The following EBAG9 variants were observed in gnomAD, a reference collection of about 807,000 sequenced individuals.
EBAG9 encodes the protein estrogen receptor binding site associated antigen 9.
EBAG9 carries 16 observed loss-of-function variants against 30.9 expected under a neutral mutation model. The observed-to-expected ratio is 0.52, with a 90% CI of 0.35 to 0.79. The LOEUF (loss-of-function observed/expected upper bound fraction) is 0.79. Among genes scored for constraint, EBAG9 ranks in the 30% least tolerant of loss-of-function variants. The pLI is 0.01. For synonymous variants in EBAG9, 93 were observed against 82.8 expected, an observed-to-expected ratio of 1.12 and a Z score of -0.67; for missense variants, 197 against 242.1, an observed-to-expected ratio of 0.81 and a Z score of 1.24.
chr8:109,560,934 T>A lies in EBAG9; in HGVS notation c.521+5T>A. 2 of 1,610,154 alleles carry A rather than the reference T, an allele frequency of 1.2e-6. No homozygotes were observed. Among genetic ancestry groups the A allele is most frequent in the Non-Finnish European group, 1.7e-6 (2 of 1,177,386 alleles). On this transcript the variant is annotated splice_donor_5th_base_variant and intron_variant, in intron 6 of 6. Transcript: ENST00000337573. ...GCAAGCAGAAGAAGTTCTGAGGTAT[T>A]TGAGTGGCATTTATATTGCAACCTG...
chr8:109,554,300 T>A (rs532445457), intron 3 of EBAG9, among the ~76,000 whole-genome samples: 1 of 152,332 alleles, frequency 6.6e-6, no homozygotes, highest in African/African-American at 2.4e-5. Flanking sequence ...TGCTGAATAA[T>A]TCTGGGTTGT....
chr8:109,549,586 T>C (rs1821453455), intron 1 of EBAG9, among the ~76,000 whole-genome samples: 1 of 152,050 alleles, frequency 6.6e-6, no homozygotes, highest in Non-Finnish European at 1.5e-5. Context: ...TCTTATGCTT[T>C]AGTAATTTGT....
intron 3 of EBAG9, 72 bp from the exon 4 acceptor site, chr8:109,554,657 C>G: frequency 2.1e-6 from 3 of 1,462,608 alleles, no homozygotes; most frequent in Non-Finnish European, 2.8e-6. Flanking sequence ...GCCCATTTTT[C>G]TAATAAATCA....
rs1162882558 is a variant in EBAG9 at position 109,553,789 on chromosome 8, A to G, written c.84-76A>G. 2.5e-4 allele frequency: 272 copies of G among 1,109,752 alleles called. 1 individual carries two copies. The East Asian group carries it at 6.8e-3, about 28-fold the overall frequency. The allele number at this position is 1,109,752 out of a possible 1,614,324, so 68.7% of individuals were successfully genotyped here. ...AAAGATCTTGTTTTATAAGCCTTCA[A>G]TTACCATACATAATAGTGCTTTTAC... On this transcript the variant is annotated intron_variant, in intron 2 of 6. Coordinates refer to ENST00000337573, the MANE Select transcript of EBAG9 (RefSeq NM_004215.5).
At chr8:109,543,290 A>C (rs903626611) in intron 1 of EBAG9, among the ~76,000 whole-genome samples, 1 of 151,842 alleles carries the variant, frequency 6.6e-6, no homozygotes, top group African/African-American at 2.4e-5. Context: ...AGTATTGCTA[A>C]GGTAACATTT....
At chr8:109,559,497 C>A (rs1337472227) in intron 5 of EBAG9, among the ~76,000 whole-genome samples, 1 of 152,042 alleles carries the variant, frequency 6.6e-6, no homozygotes, top group Non-Finnish European at 1.5e-5. Context: ...AATTTTAAAT[C>A]TTGTCAAATT....
At chr8:109,560,989 T>G in intron 6 of EBAG9, 60 bp downstream of exon 6, 1 of 1,455,354 alleles carries the variant, frequency 6.9e-7, no homozygotes, top group Middle Eastern at 1.8e-4. Flanking sequence ...TTCCCTGCTG[T>G]GTTTCAAGTC....
At chr8:109,554,052 T>G (rs1821548017) in intron 3 of EBAG9, 109 bp downstream of exon 3, 3 of 741,944 alleles carry the variant, frequency 4.0e-6, no homozygotes, top group Non-Finnish European at 6.0e-6. Context: ...TAGAAATTAA[T>G]TTTTGTTGTG....
At chr8:109,555,421 TTAAG>T (rs1586691979) in intron 4 of EBAG9, among the ~76,000 whole-genome samples, 1 of 152,190 alleles carries the variant, frequency 6.6e-6, no homozygotes. Flanking sequence ...TTCTGTCATG[TTAAG>T]TAAGAATTTT....
In EBAG9 at chr8:109,543,135, C is replaced by CTTTTTTTTT. The variant is rs557388998; in HGVS notation, c.-16+2697_-16+2705dup. On this transcript the variant is annotated intron_variant, in intron 1 of 6. Coordinates refer to ENST00000337573, the MANE Select transcript of EBAG9 (RefSeq NM_004215.5). ...GAGTACAATTTTTAATATTCTGGTT[C>CTTTTTTTTT]TTTTTTTTTTTTTTTTTTTTTTTTT... 2.5e-4 allele frequency among the ~76,000 whole-genome samples: 13 copies of CTTTTTTTTT among 52,874 alleles called. 1 individual carries two copies. The highest frequency in any genetic ancestry group is 4.1e-4 in the Non-Finnish European group (8 of 19,742). 34.7% of individuals were successfully genotyped at this position (52,874 alleles called of 152,430 possible). A position where few individuals can be genotyped will look rare whatever the true frequency, so the allele number is the denominator to read the frequency against.
At position 109,564,556 on chromosome 8, in the gene EBAG9, A is replaced by G. The variant is rs538061239; in HGVS notation, c.639A>G (p.Ser213=). Reference sequence around the variant, plus strand: ...AAAACAAAATTGGTGTGAAACTTTCATAACACATGTTCAAATTTTATCATG... The same window carrying G: ...AAAACAAAATTGGTGTGAAACTTTCGTAACACATGTTCAAATTTTATCATG... ...KEQNKIGVKL[S] The change falls in exon 7 of 7, where the codon TCA becomes TCG. Residue 213 remains serine (S), a synonymous_variant. Coordinates refer to ENST00000337573, the MANE Select transcript of EBAG9 (RefSeq NM_004215.5). 9.3e-6 allele frequency: 15 copies of G among 1,611,734 alleles called. No homozygotes were observed. The highest frequency in any genetic ancestry group is 1.2e-5 in the Non-Finnish European group (14 of 1,178,444).
intron 3 of EBAG9, 131 bp from the exon 4 acceptor site, chr8:109,554,598 G>A (rs983709277): frequency 2.6e-6 from 2 of 761,966 alleles, no homozygotes; most frequent in Non-Finnish European, 2.1e-6. Flanking sequence ...GATATGAAAT[G>A]TATGTTTTCC....
At chr8:109,560,037 T>G (rs1040257332) in intron 5 of EBAG9, among the ~76,000 whole-genome samples, 3 of 152,210 alleles carry the variant, frequency 2.0e-5, no homozygotes. Context: ...TTCTATTTCA[T>G]TTTTAGGGGT....
Position 109,547,250 on chromosome 8 carries a change from A to G in EBAG9, c.-15-3560A>G, listed in dbSNP as rs532420091. Among the ~76,000 whole-genome samples, 13 of 152,268 alleles carry G rather than the reference A, an allele frequency of 8.5e-5. 1 individual carries two copies. In the South Asian group the frequency reaches 2.7e-3, roughly 32 times the overall value. On this transcript the variant is annotated intron_variant, in intron 1 of 6. Transcript: ENST00000337573. ...ATGGTAGATGTTTGTTAAACTTTGT[A>G]AGAAACTACCAAATTGTTTTTCAAA...
chr8:109,554,491 T>G (rs1326890659), intron 3 of EBAG9, among the ~76,000 whole-genome samples: 2 of 151,950 alleles, frequency 1.3e-5, no homozygotes, highest in African/African-American at 4.9e-5. Context: ...CGTTTTACTT[T>G]GTTTTTTGTT....
In EBAG9 at chr8:109,546,074, A is replaced by G. The variant is rs1821378557; in HGVS notation, c.-15-4736A>G. Reference sequence around the variant, plus strand: ...TGTGAAATCAGATTTCTGTTTTTAGAGAAGTTCTGAAATAATGTTTCTTTT... The same window carrying G: ...TGTGAAATCAGATTTCTGTTTTTAGGGAAGTTCTGAAATAATGTTTCTTTT... On this transcript the variant is annotated intron_variant, in intron 1 of 6. Coordinates refer to ENST00000337573, the MANE Select transcript of EBAG9 (RefSeq NM_004215.5). Among the ~76,000 whole-genome samples the G allele has an allele frequency of 2.0e-5, 3 of 152,264 alleles. No individual in the cohort carries two copies. The South Asian group carries it at 6.2e-4, about 31-fold the overall frequency.
At position 109,559,823 on chromosome 8, in the gene EBAG9, A is replaced by G. The variant is rs1044876081; in HGVS notation, c.430-1015A>G. On this transcript the variant is annotated intron_variant, in intron 5 of 6. Transcript: ENST00000337573. ...AGTGAAACGCTGATTCCTAAAAAAA[A>G]AAAGGGAGAAGAAAAGGCAGGATTT... Among the ~76,000 whole-genome samples the G allele has an allele frequency of 2.6e-5, 4 of 152,228 alleles. No homozygotes were observed. In the East Asian group the frequency reaches 7.7e-4, roughly 29 times the overall value.
At chr8:109,554,915 T>C in intron 4 of EBAG9, 28 bp downstream of exon 4, 2 of 1,593,414 alleles carry the variant, frequency 1.3e-6, no homozygotes, top group Non-Finnish European at 1.7e-6. Flanking sequence ...CTTTTGGAGA[T>C]TAAACTACTT....
At chr8:109,557,933 C>T (rs749772432) in intron 5 of EBAG9, 18 of 253,698 alleles carry the variant, frequency 7.1e-5, no homozygotes, top group Admixed American at 1.9e-4. Context: ...AGTTATAAGA[C>T]GGTGAGAGCA....
Sources: allele counts gnomAD v4.1 joint callset (sites outside exome capture counted in the v4.1 genomes callset), GRCh38; gene constraint gnomAD v4.1.1; transcripts MANE v1.5; gene names NCBI Gene and HGNC (gene_info 2026-07-23, HGNC 2026-07-21).